The following GKN2 variants were observed in gnomAD, a reference collection of about 807,000 sequenced individuals.
The protein encoded by GKN2 is gastrokine-2.
Under a neutral mutation model 22.7 loss-of-function variants are expected in GKN2, and 17 were observed. The ratio of observed to expected loss-of-function variants is 0.75; its 90% CI spans 0.51 to 1.13. The LOEUF (loss-of-function observed/expected upper bound fraction) is 1.13. GKN2 is among the 50% of genes most tolerant of loss of function. The pLI is 0.00. For synonymous variants in GKN2, 82 were observed against 79.6 expected (o/e 1.03, Z -0.16); for missense variants, 248 against 221.4 (o/e 1.12, Z -0.76).
Position 68,946,356 on chromosome 2 carries a change from C to T in GKN2, c.420G>A (p.Glu140=), listed in dbSNP as rs1669765189. 1 of 1,613,906 alleles carries T rather than the reference C, an allele frequency of 6.2e-7. No homozygotes were observed. The highest frequency in any genetic ancestry group is 8.5e-7 in the Non-Finnish European group (1 of 1,179,990). The part of the protein sequence containing the change: ...VDWFLLGSPI[E]KLCKHIPLYK... ...ACAAAGGGATATGTTTGCAGAGTTT[C>T]TCAATGGGTGACCCAAGCAGGAACC... Residue 140 remains glutamate, a synonymous_variant, in exon 5 of 6, where the codon GAG becomes GAA. Coordinates refer to ENST00000328895, the MANE Select transcript of GKN2 (RefSeq NM_182536.3).
intron 1 of GKN2, among the ~76,000 whole-genome samples, chr2:68,951,352 C>G (rs1340363573): frequency 1.3e-5 from 2 of 152,154 alleles, no homozygotes; most frequent in African/African-American, 4.8e-5. Flanking sequence ...CTTAGTGATA[C>G]TATCACACAA....
intron 3 of GKN2, among the ~76,000 whole-genome samples, chr2:68,948,826 A>T (rs1305637145): frequency 6.6e-6 from 1 of 152,204 alleles, no homozygotes; most frequent in East Asian, 1.9e-4. Context: ...CAAAAAATAG[A>T]CAGAGGCTGA....
In GKN2 at chr2:68,945,438, G is replaced by A. The variant is rs73935451; in HGVS notation, c.485C>T (p.Ala162Val). ...GAGCCCAGCCTTTGCACAGCCTCCA[G>A]CACCGACATTATCTGGAAAAGGGAA... ...EVVENTHNVG[A>V]GGCAKAGLLG... Residue 162 changes from alanine (A) to valine (V), a missense_variant, in exon 6 of 6, where the codon GCT becomes GTT. Physicochemically the swap from Ala to Val is moderately conservative, Grantham distance 64. Coordinates refer to ENST00000328895, the MANE Select transcript of GKN2 (RefSeq NM_182536.3). 4,188 of 1,608,774 alleles carry A rather than the reference G, an allele frequency of 2.6e-3. 111 individuals carry two copies. The African/African-American group carries it at 0.049, about 19-fold the overall frequency.
Position 68,950,607 on chromosome 2 carries a change from G to A in GKN2, c.66+95C>T, listed in dbSNP as rs146353758. 3.8e-4 allele frequency: 399 copies of A among 1,039,938 alleles called. 4 individuals carry two copies. The East Asian group carries it at 6.7e-3, about 17-fold the overall frequency. 64.4% of individuals were successfully genotyped at this position (1,039,938 alleles called of 1,614,324 possible). A position where few individuals can be genotyped will look rare whatever the true frequency, so the allele number is the denominator to read the frequency against. On this transcript the variant is annotated intron_variant, in intron 2 of 5. Transcript: ENST00000328895. ...TTTCTGAGATTCCATCCCAAATAAGGCATATGGCCTCTCTACTGTCTTCAG... is the reference window on the plus strand; with the variant it reads ...TTTCTGAGATTCCATCCCAAATAAGACATATGGCCTCTCTACTGTCTTCAG...
In GKN2 at chr2:68,945,527, G is replaced by A. The variant is rs1190443916; in HGVS notation, c.473-77C>T. 6.2e-6 allele frequency: 7 copies of A among 1,125,588 alleles called. No individual in the cohort carries two copies. In the African/African-American group the frequency reaches 7.9e-5, roughly 13 times the overall value. 69.7% of individuals were successfully genotyped at this position (1,125,588 alleles called of 1,614,324 possible). ...GAATTATTAGAATAATAATACATTA[G>A]CTTAAATAAAACTGACAACTTTTGG... On this transcript the variant is annotated intron_variant, in intron 5 of 5. Transcript: ENST00000328895.
chr2:68,946,273 T>C (rs1407921044), intron 5 of GKN2, 31 bp downstream of exon 5: 1 of 1,569,326 alleles, frequency 6.4e-7, no homozygotes. Context: ...TCAGAAAATA[T>C]TTGGTGAGTG....
At chr2:68,948,288 A>T (rs1368717619) in intron 3 of GKN2, among the ~76,000 whole-genome samples, 1 of 151,704 alleles carries the variant, frequency 6.6e-6, no homozygotes, top group African/African-American at 2.4e-5. Flanking sequence ...CCAATATGAT[A>T]GTTATTAGCT....
At chr2:68,952,785 T>G in intron 1 of GKN2, 65 bp downstream of exon 1, 2 of 1,555,860 alleles carry the variant, frequency 1.3e-6, no homozygotes, top group Non-Finnish European at 1.8e-6. Context: ...CATGGCATAT[T>G]AGATATGAGC....
Position 68,946,450 on chromosome 2 carries a change from T to G in GKN2, c.326A>C (p.Asn109Thr). The change falls in exon 5 of 6, where the codon AAC becomes ACC. Residue 109 changes from asparagine (N) to threonine (T), a missense_variant. Physicochemically the swap from Asn to Thr is moderately conservative, Grantham distance 65. Coordinates refer to ENST00000328895, the MANE Select transcript of GKN2 (RefSeq NM_182536.3). ...CCAGGTGTATTTGCTGGAGAACATGTTGTCCAGAGCCTAGATCGGTATAAC... is the reference window on the plus strand; with the variant it reads ...CCAGGTGTATTTGCTGGAGAACATGGTGTCCAGAGCCTAGATCGGTATAAC... ...WYIYEKQALD[N>T]MFSSKYTWVK... 6.2e-7 allele frequency: 1 copy of G among 1,609,288 alleles called. No homozygotes were observed. Among genetic ancestry groups the G allele is most frequent in the South Asian group, 1.1e-5 (1 of 89,788 alleles).
intron 1 of GKN2, among the ~76,000 whole-genome samples, 156 bp from the exon 2 acceptor site, chr2:68,950,911 A>C (rs909575702): frequency 2.0e-5 from 3 of 152,204 alleles, no homozygotes; most frequent in South Asian, 2.1e-4. Context: ...TTCCACGCAC[A>C]CATTGATTGG....
intron 1 of GKN2, 91 bp from the exon 2 acceptor site, chr2:68,950,846 C>T: frequency 7.6e-7 from 1 of 1,315,878 alleles, no homozygotes; most frequent in East Asian, 2.3e-5. Context: ...GCACAGATAT[C>T]TCAGAAAATG....
intron 4 of GKN2, 144 bp from the exon 5 acceptor site, chr2:68,946,604 ACT>A (rs1669769407): frequency 4.8e-6 from 3 of 629,432 alleles, no homozygotes; most frequent in Non-Finnish European, 7.7e-6. Flanking sequence ...CTTTTTGAAC[ACT>A]CTATCTGTGA....
intron 5 of GKN2, 71 bp from the exon 6 acceptor site, chr2:68,945,521 A>T: frequency 2.6e-6 from 3 of 1,132,718 alleles, no homozygotes; most frequent in Non-Finnish European, 3.9e-6. Flanking sequence ...GAATAATAAT[A>T]CATTAGCTTA....
At chr2:68,952,630 G>A (rs150153412) in intron 1 of GKN2, among the ~76,000 whole-genome samples, 154 of 152,086 alleles carry the variant, frequency 1.0e-3, no homozygotes, top group East Asian at 4.1e-3. Context: ...TTGTATTTTT[G>A]AATTTTCTTT....
At position 68,950,182 on chromosome 2, in the gene GKN2, T is replaced by C. The variant is rs772996042; in HGVS notation, c.148A>G (p.Ile50Val). ...CATGATCCTGCATGGATGTTAATGA[T>C]GGCGGTATTTTTTTCATTATCAATT... ...VTIDNEKNTA[I>V]INIHAGSCSS... Residue 50 changes from isoleucine (I) to valine (V), a missense_variant, in exon 3 of 6, where the codon ATC (isoleucine) becomes GTC (valine). By Grantham distance (29) the Ile-to-Val change is conservative. Transcript: ENST00000328895. 7.4e-6 allele frequency: 12 copies of C among 1,613,836 alleles called. No homozygotes were observed. The highest frequency in any genetic ancestry group is 3.3e-4 in the Middle Eastern group (2 of 6,082).
intron 1 of GKN2, among the ~76,000 whole-genome samples, chr2:68,951,339 T>G (rs118070474): frequency 0.012 from 1,802 of 152,302 alleles, 67 homozygotes; most frequent in East Asian, 0.11. Context: ...TATTCTCCTA[T>G]GCCTTAGTGA....
At chr2:68,949,215 T>A (rs997249928) in intron 3 of GKN2, among the ~76,000 whole-genome samples, 1 of 152,114 alleles carries the variant, frequency 6.6e-6, no homozygotes, top group Admixed American at 6.5e-5. Context: ...TCTGAGCAGG[T>A]TTCTGTGACT....
At chr2:68,950,659 C>A in intron 2 of GKN2, 43 bp downstream of exon 2, 6 of 1,572,930 alleles carry the variant, frequency 3.8e-6, no homozygotes, top group Non-Finnish European at 5.3e-6. Context: ...CCTTTCCTCT[C>A]CCAACATCTC....
intron 4 of GKN2, among the ~76,000 whole-genome samples, chr2:68,946,696 G>T (rs774018761): frequency 5.3e-5 from 8 of 152,166 alleles, no homozygotes; most frequent in Non-Finnish European, 7.3e-5. Context: ...CCATGTCAAA[G>T]GTAGCACCTA....
Sources: gnomAD v4.1 joint callset for allele counts (sites outside exome capture counted in the v4.1 genomes callset) on GRCh38, gnomAD v4.1.1 for gene constraint, MANE v1.5 for transcripts, NCBI Gene and HGNC (gene_info 2026-07-23, HGNC 2026-07-21) for gene names.